Variants in CALD1 observed in about 807,000 individuals in gnomAD.
The protein encoded by CALD1 is caldesmon.
In CALD1, 33 loss-of-function variants were observed where a neutral mutation model predicts 99.9. That is an observed-to-expected ratio of 0.33 (90% CI 0.25 to 0.44). The LOEUF (loss-of-function observed/expected upper bound fraction) is 0.44. Among genes scored for constraint, CALD1 ranks in the 20% least tolerant of loss-of-function variants. CALD1 has a pLI of 1.00. For missense variants in CALD1, 861 were observed against 962.1 expected, an observed-to-expected ratio of 0.89 and a Z score of 1.39; for synonymous variants, 310 against 325.0, an observed-to-expected ratio of 0.95 and a Z score of 0.50.
At chr7:134,802,192 C>G (rs1797973719) in intron 1 of CALD1, among the ~76,000 whole-genome samples, 4 of 151,296 alleles carry the variant, frequency 2.6e-5, no homozygotes, top group African/African-American at 9.7e-5. Context: ...GTGTGTATGT[C>G]ATATATATAT....
chr7:134,732,154 T>C, the CALD1 span, among the ~76,000 whole-genome samples: 1 of 152,240 alleles, frequency 6.6e-6, no homozygotes, highest in Non-Finnish European at 1.5e-5. Flanking sequence ...AATAATTTCC[T>C]AACAGGTCTC....
At chr7:134,872,355 C>G (rs1017747401) in intron 3 of CALD1, among the ~76,000 whole-genome samples, 4 of 61,424 alleles carry the variant, frequency 6.5e-5, no homozygotes, top group African/African-American at 2.7e-4. Flanking sequence ...GAGACTCGGT[C>G]TCAAAAAAAA....
Position 134,750,139 on chromosome 7 carries a change from C to G in CALD1, c.-130+5776C>G, listed in dbSNP as rs1014457487. 2.0e-5 allele frequency among the ~76,000 whole-genome samples: 3 copies of G among 147,008 alleles called. No homozygotes were observed. The Admixed American group carries it at 2.1e-4, about 10-fold the overall frequency. On this transcript the variant is annotated intron_variant, in intron 1 of 13. Transcript: ENST00000417172. ...ACAAACAAACAAACAAACAAACAAA[C>G]CCTGCAAACTAGATTTAGTTGCTGC...
intron 3 of CALD1, among the ~76,000 whole-genome samples, chr7:134,903,715 G>A (rs1033947709): frequency 7.2e-5 from 11 of 151,992 alleles, no homozygotes; most frequent in African/African-American, 2.7e-4. Context: ...TTTTGATAAG[G>A]ACATCAGTCA....
At chr7:134,912,882 T>C (rs1373288444) in intron 3 of CALD1, among the ~76,000 whole-genome samples, 1 of 152,112 alleles carries the variant, frequency 6.6e-6, no homozygotes, top group East Asian at 1.9e-4. Flanking sequence ...AAATTGTGCA[T>C]GGTTAGTGGG....
intron 2 of CALD1, among the ~76,000 whole-genome samples, chr7:134,862,876 GGA>G (rs1800621781): frequency 6.6e-6 from 1 of 152,196 alleles, no homozygotes; most frequent in Admixed American, 6.5e-5. Flanking sequence ...CCACTGTTAC[GGA>G]GAGTTGAAGT....
At chr7:134,882,989 GGAGT>G (rs1801678327) in intron 3 of CALD1, among the ~76,000 whole-genome samples, 1 of 152,090 alleles carries the variant, frequency 6.6e-6, no homozygotes, top group African/African-American at 2.4e-5. Flanking sequence ...AGAAGGAGGA[GGAGT>G]ATTTATAAAT....
At chr7:134,751,345 T>G (rs148342154) in intron 1 of CALD1, among the ~76,000 whole-genome samples, 57 of 152,346 alleles carry the variant, frequency 3.7e-4, no homozygotes, top group African/African-American at 1.3e-3. Context: ...CTCTCTGTCT[T>G]CCAATATTTT....
intron 2 of CALD1, among the ~76,000 whole-genome samples, chr7:134,860,253 T>C (rs1052202166): frequency 6.6e-6 from 1 of 152,224 alleles, no homozygotes; most frequent in Admixed American, 6.5e-5. Flanking sequence ...CTGTACATTA[T>C]AATCCATTTG....
rs536413407 is a variant in CALD1 at position 134,872,883 on chromosome 7, G to C, written c.71+5079G>C. 3.0e-4 allele frequency among the ~76,000 whole-genome samples: 46 copies of C among 152,222 alleles called. 1 individual carries two copies. In the South Asian group the frequency reaches 9.3e-3, roughly 31 times the overall value. On this transcript the variant is annotated intron_variant, in intron 3 of 14. Transcript: ENST00000361675. Reference sequence around the variant, plus strand: ...TCCACCAATCTCAGGGGAGTAAAAAGTTAAATAGATACATTCTGGCCGGAT... The same window carrying C: ...TCCACCAATCTCAGGGGAGTAAAAACTTAAATAGATACATTCTGGCCGGAT...
intron 3 of CALD1, among the ~76,000 whole-genome samples, chr7:134,917,634 G>A (rs1298553567): frequency 1.3e-5 from 2 of 152,300 alleles, no homozygotes; most frequent in South Asian, 2.1e-4. Context: ...ACAGGCATGA[G>A]CCAGCACACC....
upstream of CALD1, among the ~76,000 whole-genome samples, chr7:134,776,435 G>T (rs1273876662): frequency 6.6e-6 from 1 of 151,650 alleles, no homozygotes; most frequent in Non-Finnish European, 1.5e-5. Context: ...TGCTAATGTT[G>T]TACATTATAT....
At chr7:134,865,330 A>G (rs542867240) in intron 2 of CALD1, among the ~76,000 whole-genome samples, 1 of 152,036 alleles carries the variant, frequency 6.6e-6, no homozygotes, top group African/African-American at 2.4e-5. Flanking sequence ...TCATAAACAC[A>G]TACAGCTTCT....
In CALD1 at chr7:134,765,354, A is replaced by G. The variant is rs1483638924; in HGVS notation, c.-130+20991A>G. Reference sequence around the variant, plus strand: ...AGAAAGAAAAGTTCAGGGTATAAATATGCATATTATTTGTTATCACAAGAG... The same window carrying G: ...AGAAAGAAAAGTTCAGGGTATAAATGTGCATATTATTTGTTATCACAAGAG... On this transcript the variant is annotated intron_variant, in intron 1 of 13. Coordinates refer to the CALD1 transcript ENST00000417172. Among the ~76,000 whole-genome samples, 4 of 152,054 alleles carry G rather than the reference A, an allele frequency of 2.6e-5. No homozygotes were observed. In the South Asian group the frequency reaches 6.2e-4, roughly 24 times the overall value.
At chr7:134,924,934 G>A (rs1458590760) in intron 3 of CALD1, among the ~76,000 whole-genome samples, 3 of 152,144 alleles carry the variant, frequency 2.0e-5, no homozygotes, top group East Asian at 3.9e-4. Flanking sequence ...CTGCCACCTA[G>A]TGAAGAAGGT....
chr7:134,933,580 A>T lies in CALD1; in HGVS notation c.811A>T (p.Arg271Trp). Residue 271 changes from arginine to tryptophan, a missense_variant, in exon 5 of 15, where the codon AGG becomes TGG. Physicochemically the swap from Arg to Trp is moderately radical, Grantham distance 101. This residue lies in a region of CALD1 where 234 missense variants were observed against 233.1 expected (regional missense o/e 1.00). Coordinates refer to ENST00000361675, the MANE Select transcript of CALD1 (RefSeq NM_033138.4). Reference protein sequence around the residue: ...DKERAEAERARLEAEERERIK... With the variant: ...DKERAEAERAWLEAEERERIK... ...GGAAAGAGCTGAGGCAGAGAGGGCA[A>T]GGTTGGAAGCAGAAGAAAGAGAAAG... 1 of 1,613,538 alleles carries T rather than the reference A, an allele frequency of 6.2e-7. No homozygotes were observed. Among genetic ancestry groups the T allele is most frequent in the Non-Finnish European group, 8.5e-7 (1 of 1,179,746 alleles).
At chr7:134,788,364 T>C (rs1797387033) in intron 1 of CALD1, among the ~76,000 whole-genome samples, 1 of 152,204 alleles carries the variant, frequency 6.6e-6, no homozygotes, top group Non-Finnish European at 1.5e-5. Context: ...ATGATGGAAG[T>C]AATTACACCA....
intron 1 of CALD1, among the ~76,000 whole-genome samples, chr7:134,788,216 C>T (rs998957091): frequency 5.3e-5 from 8 of 152,210 alleles, no homozygotes; most frequent in South Asian, 2.1e-4. Flanking sequence ...TGCTATGTTT[C>T]ACTATTATCT....
At chr7:134,777,858 T>C (rs570887547), upstream of CALD1, among the ~76,000 whole-genome samples, 1 of 152,364 alleles carries the variant, frequency 6.6e-6, no homozygotes, top group Admixed American at 6.5e-5. Flanking sequence ...CTGTCAGATA[T>C]GGGATGTCCC....
Sources: allele counts gnomAD v4.1 joint callset (sites outside exome capture counted in the v4.1 genomes callset), GRCh38; gene constraint gnomAD v4.1.1; regional missense constraint gnomAD v4.1.1; transcripts MANE v1.5; gene names NCBI Gene and HGNC (gene_info 2026-07-23, HGNC 2026-07-21).